Variants in ADCY2 observed in about 807,000 individuals in gnomAD.
ADCY2 encodes the protein adenylate cyclase 2.
ADCY2 carries 31 observed loss-of-function variants against 125.2 expected under a neutral mutation model. That is an observed-to-expected ratio of 0.25 (90% confidence interval 0.19 to 0.33). The LOEUF (loss-of-function observed/expected upper bound fraction) is 0.33. Ranked by LOEUF, ADCY2 falls within the 10% of genes least tolerant of loss-of-function variation. The pLI, the probability that ADCY2 is intolerant of heterozygous loss-of-function variation, is 1.00. For synonymous variants in ADCY2, 512 were observed against 548.4 expected (o/e 0.93, Z 0.93); for missense variants, 904 against 1,418.2 (o/e 0.64, Z 5.82).
intron 2 of ADCY2, among the ~76,000 whole-genome samples, chr5:7,470,634 A>ATGTG (rs35202661): frequency 1.6e-4 from 23 of 147,656 alleles, no homozygotes; most frequent in African/African-American, 3.0e-4. Flanking sequence ...TACTGTATAT[A>ATGTG]TGTGTGTGTG....
At chr5:7,593,916 A>G (rs765178771) in intron 3 of ADCY2, among the ~76,000 whole-genome samples, 1 of 152,168 alleles carries the variant, frequency 6.6e-6, no homozygotes, top group African/African-American at 2.4e-5. Flanking sequence ...TGAGCTGAGA[A>G]CTGAAGGATG....
At chr5:7,530,990 C>T (rs988944898) in intron 3 of ADCY2, among the ~76,000 whole-genome samples, 2 of 152,150 alleles carry the variant, frequency 1.3e-5, no homozygotes, top group African/African-American at 4.8e-5. Context: ...TCAGTCATGG[C>T]TGAACTTCAT....
intron 3 of ADCY2, among the ~76,000 whole-genome samples, chr5:7,588,545 C>A (rs1337583397): frequency 6.6e-6 from 1 of 152,150 alleles, no homozygotes; most frequent in Non-Finnish European, 1.5e-5. Context: ...CGATGGCAAG[C>A]TTTTTCTGTA....
At chr5:7,724,712 C>T (rs1741881255) in intron 13 of ADCY2, 98 bp downstream of exon 13, 1 of 819,386 alleles carries the variant, frequency 1.2e-6, no homozygotes, top group South Asian at 1.6e-5. Flanking sequence ...GACATTTAAA[C>T]TGCCTCTGAC....
chr5:7,590,539 G>A (rs775423766), intron 3 of ADCY2, among the ~76,000 whole-genome samples: 3 of 151,268 alleles, frequency 2.0e-5, no homozygotes, highest in Non-Finnish European at 2.9e-5. Context: ...GGATTTAGGG[G>A]AAAAAATAAG....
At chr5:7,660,795 A>AT (rs1191474485) in intron 4 of ADCY2, among the ~76,000 whole-genome samples, 1 of 151,628 alleles carries the variant, frequency 6.6e-6, no homozygotes, top group East Asian at 1.9e-4. Flanking sequence ...GTTAAAAAAA[A>AT]AATACTTTCA....
intron 2 of ADCY2, among the ~76,000 whole-genome samples, chr5:7,450,534 G>T (rs1437225981): frequency 6.6e-6 from 1 of 152,214 alleles, no homozygotes; most frequent in African/African-American, 2.4e-5. Context: ...TAACATAAAC[G>T]TGGAAGGTGA....
At chr5:7,576,592 G>T (rs1189442325) in intron 3 of ADCY2, among the ~76,000 whole-genome samples, 1 of 152,222 alleles carries the variant, frequency 6.6e-6, no homozygotes, top group Non-Finnish European at 1.5e-5. Context: ...AGTGCTTGCT[G>T]TGTGCCAGAC....
chr5:7,488,830 A>G (rs1743043034), intron 2 of ADCY2, among the ~76,000 whole-genome samples: 1 of 151,998 alleles, frequency 6.6e-6, no homozygotes, highest in Non-Finnish European at 1.5e-5. Flanking sequence ...CCAGCCCACA[A>G]CACCAAGATT....
In ADCY2 at chr5:7,802,105, G is replaced by C. The variant is rs866635287; in HGVS notation, c.2629-113G>C. Reference sequence around the variant, plus strand: ...GGCTGGGGTGGGGCAAGTGGAGTAGGCATTTGGGCGATGTCTGTGTGAATC... The same window carrying C: ...GGCTGGGGTGGGGCAAGTGGAGTAGCCATTTGGGCGATGTCTGTGTGAATC... On this transcript the variant is annotated intron_variant, in intron 20 of 24. Coordinates refer to ENST00000338316, the MANE Select transcript of ADCY2 (RefSeq NM_020546.3). The surrounding 1 kb of genome is among the most constrained non-coding windows in gnomAD (Gnocchi z 4.6). The C allele has an allele frequency of 2.3e-5, 28 of 1,240,490 alleles. No individual in the cohort carries two copies. Among genetic ancestry groups the C allele is most frequent in the Middle Eastern group, 2.9e-4 (1 of 3,508 alleles). 76.8% of individuals were successfully genotyped at this position (1,240,490 alleles called of 1,614,324 possible).
intron 5 of ADCY2, among the ~76,000 whole-genome samples, chr5:7,693,413 G>GTTTTTTTTTTTT (rs70940751): frequency 4.0e-4 from 13 of 32,406 alleles, no homozygotes; most frequent in African/African-American, 5.4e-4. Flanking sequence ...GCTGTTTTTT[G>GTTTTTTTTTTTT]TTTTTTTTTT....
At chr5:7,616,326 A>T (rs1737761379) in intron 3 of ADCY2, among the ~76,000 whole-genome samples, 1 of 152,194 alleles carries the variant, frequency 6.6e-6, no homozygotes, top group South Asian at 2.1e-4. Flanking sequence ...GATGATCCCA[A>T]TGGCAGAAAC....
rs139558473 is a variant in ADCY2, at chr5:7,405,193, C to A, written c.210+8687C>A. Among the ~76,000 whole-genome samples, 4 of 152,288 alleles carry A rather than the reference C, an allele frequency of 2.6e-5. No homozygotes were observed. In the East Asian group the frequency reaches 7.7e-4, roughly 29 times the overall value. ...TGTCCCCACGTGTGGAAAATACCAT[C>A]TGCTATGTTACCTTACATAGCCATG... On this transcript the variant is annotated intron_variant, in intron 1 of 24. Coordinates refer to ENST00000338316, the MANE Select transcript of ADCY2 (RefSeq NM_020546.3).
At chr5:7,604,151 A>G (rs1218543455) in intron 3 of ADCY2, among the ~76,000 whole-genome samples, 6 of 2,988 alleles carry the variant, frequency 2.0e-3, no homozygotes, top group Non-Finnish European at 2.8e-3. Flanking sequence ...TGAACTCATC[A>G]TTTTTTATGG....
At chr5:7,613,491 G>A (rs555322031) in intron 3 of ADCY2, among the ~76,000 whole-genome samples, 1 of 152,308 alleles carries the variant, frequency 6.6e-6, no homozygotes, top group East Asian at 1.9e-4. Flanking sequence ...TTGGCGGTGG[G>A]GGGTGGGGTC....
chr5:7,820,471 G>T, intron 23 of ADCY2, 94 bp from the exon 24 acceptor site: 1 of 1,473,910 alleles, frequency 6.8e-7, no homozygotes, highest in Middle Eastern at 2.4e-4. Flanking sequence ...TCCAGCCTGG[G>T]TGACAGAATA....
At chr5:7,553,353 C>T (rs1485642965) in intron 3 of ADCY2, among the ~76,000 whole-genome samples, 2 of 152,220 alleles carry the variant, frequency 1.3e-5, no homozygotes, top group Non-Finnish European at 2.9e-5. Flanking sequence ...CTGAAGGCTG[C>T]TGGCCTTTGA....
chr5:7,531,275 G>C (rs12514129), intron 3 of ADCY2, among the ~76,000 whole-genome samples: 56,533 of 152,006 alleles, frequency 0.37, 12,013 homozygotes, highest in Non-Finnish European at 0.47. Context: ...GCGACCTGGA[G>C]GGCCGCCGTT....
At chr5:7,600,600 A>G (rs1561119163) in intron 3 of ADCY2, among the ~76,000 whole-genome samples, 1 of 152,202 alleles carries the variant, frequency 6.6e-6, no homozygotes, top group Non-Finnish European at 1.5e-5. Context: ...CTGAGATTGG[A>G]GACCATGAGG....
Sources: gnomAD v4.1 joint callset for allele counts (sites outside exome capture counted in the v4.1 genomes callset) on GRCh38, gnomAD v4.1.1 for gene constraint, Gnocchi (gnomAD v3.1) non-coding constraint, MANE v1.5 for transcripts, NCBI Gene and HGNC (gene_info 2026-07-23, HGNC 2026-07-21) for gene names.